The following TRAPPC12 variants were observed in gnomAD, a reference collection of about 807,000 sequenced individuals.
TRAPPC12 encodes trafficking protein particle complex subunit 12.
In TRAPPC12, 61 loss-of-function variants were observed where a neutral mutation model predicts 69.2. The ratio of observed to expected loss-of-function variants is 0.88; its 90% CI spans 0.72 to 1.09. TRAPPC12 has a LOEUF of 1.09. TRAPPC12 is among the 50% of genes least tolerant of loss of function. TRAPPC12 has a pLI of 0.00. For missense variants in TRAPPC12, 1,101 were observed against 1,016.4 expected (o/e 1.08, Z -1.13); for synonymous variants, 469 against 438.9 (o/e 1.07, Z -0.86).
intron 2 of TRAPPC12, chr2:3,389,855 C>T (rs983710384): frequency 4.8e-5 from 22 of 461,742 alleles, no homozygotes; most frequent in East Asian, 7.0e-5. Context: ...GGTCCCCCAC[C>T]GAAAGTCAGG....
intron 2 of TRAPPC12, among the ~76,000 whole-genome samples, chr2:3,399,762 C>T (rs2103463453): frequency 6.6e-6 from 1 of 152,280 alleles, no homozygotes; most frequent in South Asian, 2.1e-4. Flanking sequence ...ATTGAAATAA[C>T]CTTGCTTCTT....
At chr2:3,406,688 G>A (rs992069105) in intron 3 of TRAPPC12, among the ~76,000 whole-genome samples, 36 of 152,322 alleles carry the variant, frequency 2.4e-4, no homozygotes, top group Non-Finnish European at 4.3e-4. Flanking sequence ...GGGTGTGGGC[G>A]TGGCCCCTTG....
chr2:3,395,976 C>T (rs1450539660), intron 2 of TRAPPC12, among the ~76,000 whole-genome samples: 3 of 152,142 alleles, frequency 2.0e-5, no homozygotes, highest in African/African-American at 4.8e-5. Context: ...GTGATCTGCT[C>T]ACCTCAGCTT....
In TRAPPC12 at chr2:3,443,892, G is replaced by A. The variant is rs369187357; in HGVS notation, c.1530+1G>A. On this transcript the variant is annotated splice_donor_variant, in intron 6 of 11. Transcript: ENST00000324266. LOFTEE classifies it high-confidence loss of function. ...CAAGGTGAAGACTGTCTGCAGCAAGGTAGGTGGCGCTGTCATTCTTCCCTG... is the reference window on the plus strand; with the variant it reads ...CAAGGTGAAGACTGTCTGCAGCAAGATAGGTGGCGCTGTCATTCTTCCCTG... 1.5e-5 allele frequency: 24 copies of A among 1,611,914 alleles called. No individual in the cohort carries two copies. Among genetic ancestry groups the A allele is most frequent in the Non-Finnish European group, 2.0e-5 (24 of 1,178,444 alleles).
At chr2:3,426,690 C>G (rs900663067) in intron 5 of TRAPPC12, among the ~76,000 whole-genome samples, 2 of 152,218 alleles carry the variant, frequency 1.3e-5, no homozygotes, top group African/African-American at 4.8e-5. Flanking sequence ...TGGGGTATTT[C>G]TTCTCCTGCA....
chr2:3,467,722 G>GC (rs1228202594), intron 9 of TRAPPC12: 1 of 152,306 alleles, frequency 6.6e-6, no homozygotes, highest in Non-Finnish European at 1.5e-5. Flanking sequence ...CCACATATCA[G>GC]CCCAGTGGAT....
At chr2:3,399,627 C>T (rs1374807526) in intron 2 of TRAPPC12, among the ~76,000 whole-genome samples, 1 of 152,208 alleles carries the variant, frequency 6.6e-6, no homozygotes, top group Admixed American at 6.5e-5. Flanking sequence ...GGCTGTTGAT[C>T]TCTCCTGGTA....
chr2:3,415,925 C>T (rs1572124120), intron 3 of TRAPPC12, among the ~76,000 whole-genome samples: 1 of 151,274 alleles, frequency 6.6e-6, no homozygotes, highest in African/African-American at 2.4e-5. Context: ...ACCGTGTTAG[C>T]CAGGATGGTC....
chr2:3,473,501 A>G (rs1039303776), intron 9 of TRAPPC12, among the ~76,000 whole-genome samples: 4 of 152,098 alleles, frequency 2.6e-5, no homozygotes, highest in Admixed American at 6.5e-5. Flanking sequence ...TGTTTTTGAG[A>G]CGAGGCCTCG....
chr2:3,423,872 T>G (rs887441849), intron 4 of TRAPPC12, among the ~76,000 whole-genome samples: 1 of 152,202 alleles, frequency 6.6e-6, no homozygotes, highest in African/African-American at 2.4e-5. Context: ...TTTTCCTGAA[T>G]GTACCCCTGA....
At chr2:3,389,430 G>C (rs1475789522) in intron 2 of TRAPPC12, among the ~76,000 whole-genome samples, 1 of 152,260 alleles carries the variant, frequency 6.6e-6, no homozygotes, top group Admixed American at 6.5e-5. Flanking sequence ...CACGGGGCTT[G>C]TAGCTGGACC....
intron 5 of TRAPPC12, among the ~76,000 whole-genome samples, chr2:3,441,420 T>C (rs1414473128): frequency 6.6e-6 from 1 of 152,122 alleles, no homozygotes; most frequent in Non-Finnish European, 1.5e-5. Flanking sequence ...TTACTGTTCA[T>C]AGGATCCATA....
At chr2:3,463,011 A>G (rs1241301222) in intron 8 of TRAPPC12, 1 of 463,178 alleles carries the variant, frequency 2.2e-6, no homozygotes, top group Admixed American at 2.4e-5. Context: ...CGGCCTGTAA[A>G]CACGTGTGGC....
chr2:3,399,216 C>T (rs1661287108), intron 2 of TRAPPC12, among the ~76,000 whole-genome samples: 1 of 152,234 alleles, frequency 6.6e-6, no homozygotes, highest in Non-Finnish European at 1.5e-5. Context: ...ATTTTCACAG[C>T]ATGGTCTCAT....
intron 5 of TRAPPC12, among the ~76,000 whole-genome samples, chr2:3,431,847 G>A (rs918102565): frequency 2.0e-5 from 3 of 152,130 alleles, no homozygotes; most frequent in Non-Finnish European, 4.4e-5. Context: ...TATTCACTAT[G>A]TTAAAGAAAA....
intron 3 of TRAPPC12, among the ~76,000 whole-genome samples, chr2:3,420,635 G>T (rs898146951): frequency 6.6e-6 from 1 of 152,120 alleles, no homozygotes; most frequent in East Asian, 1.9e-4. Flanking sequence ...CCACACCGCC[G>T]CTGTGGCTGG....
intron 3 of TRAPPC12, among the ~76,000 whole-genome samples, chr2:3,402,246 G>A (rs1055556484): frequency 6.6e-5 from 10 of 152,144 alleles, no homozygotes; most frequent in Non-Finnish European, 1.3e-4. Context: ...ATTATTGAAT[G>A]GGTGAATTTC....
At chr2:3,478,688 A>T in intron 10 of TRAPPC12, 158 bp from the exon 11 acceptor site, 1 of 611,610 alleles carries the variant, frequency 1.6e-6, no homozygotes, top group Non-Finnish European at 2.9e-6. Flanking sequence ...GCCTGAATGC[A>T]AAACGCAGCT....
rs1011438870 is a variant in TRAPPC12, at chr2:3,383,560, C to T, written c.-5+3684C>T. ...TAGCTGGGATTACAGGTGCCCGCCA[C>T]CACACCTGGCTAATTTTTGTATTTT... On this transcript the variant is annotated intron_variant, in intron 1 of 11. Coordinates refer to ENST00000324266, the MANE Select transcript of TRAPPC12 (RefSeq NM_016030.6). Among the ~76,000 whole-genome samples the T allele has an allele frequency of 2.6e-5, 4 of 151,882 alleles. 1 individual carries two copies. The South Asian group carries it at 6.2e-4, about 24-fold the overall frequency.
Sources: gnomAD v4.1 joint callset for allele counts (sites outside exome capture counted in the v4.1 genomes callset) on GRCh38, gnomAD v4.1.1 for gene constraint, MANE v1.5 for transcripts, NCBI Gene and HGNC (gene_info 2026-07-23, HGNC 2026-07-21) for gene names.